The following WNT5B variants were observed in gnomAD, a reference collection of about 807,000 sequenced individuals.
WNT5B encodes the protein Wnt family member 5B.
WNT5B carries 18 observed loss-of-function variants against 36.5 expected under a neutral mutation model. The observed-to-expected ratio is 0.49, with a 90% CI of 0.34 to 0.73. The LOEUF (loss-of-function observed/expected upper bound fraction) is 0.73, where lower values mean the gene tolerates loss of function less well. Among genes scored for constraint, WNT5B ranks in the 30% least tolerant of loss-of-function variants. The pLI is 0.01. For synonymous variants in WNT5B, 213 were observed against 212.3 expected, an observed-to-expected ratio of 1.00 and a Z score of -0.03; for missense variants, 424 against 508.4, an observed-to-expected ratio of 0.83 and a Z score of 1.60.
rs2094555626 is a variant in WNT5B at position 1,633,864 on chromosome 12, C to T, written c.328+959C>T. Among the ~76,000 whole-genome samples the T allele has an allele frequency of 6.6e-6, 1 of 150,928 alleles. No individual in the cohort carries two copies. The highest frequency in any genetic ancestry group is 6.6e-5 in the Admixed American group (1 of 15,148). ...AGGGAGGATACTTGGAAGGCTCCTT[C>T]CCCCTCCCACTTATTCCAGACCTCT... On this transcript the variant is annotated intron_variant, in intron 3 of 4. Coordinates refer to ENST00000397196, the MANE Select transcript of WNT5B (RefSeq NM_032642.3). This position sits in a 1 kb window ranked among gnomAD's most constrained non-coding sequence, Gnocchi z 4.8.
chr12:1,634,050 A>T (rs1203154099), intron 3 of WNT5B, among the ~76,000 whole-genome samples: 3 of 152,154 alleles, frequency 2.0e-5, no homozygotes, highest in African/African-American at 7.2e-5. Context: ...CTATAAAAAA[A>T]ATTTTTTTTT....
chr12:1,622,196 C>T (rs558056629), intron 1 of WNT5B, among the ~76,000 whole-genome samples: 12 of 151,346 alleles, frequency 7.9e-5, no homozygotes, highest in Admixed American at 3.3e-4. Context: ...CTGCAAGCTC[C>T]GCTTCCCGGG....
At position 1,633,495 on chromosome 12, in the gene WNT5B, G is replaced by A. The variant is rs116831563; in HGVS notation, c.328+590G>A. ...GAAAAGATGAGAGGGAGAGGGCCAA[G>A]TCTTCTGGATTCCTGTCCCTTCCCC... On this transcript the variant is annotated intron_variant, in intron 3 of 4. Transcript: ENST00000397196. The surrounding 1 kb of genome is among the most constrained non-coding windows in gnomAD (Gnocchi z 4.8). 0.015 allele frequency among the ~76,000 whole-genome samples: 2,345 copies of A among 152,290 alleles called. 68 individuals carry two copies. Among genetic ancestry groups the A allele is most frequent in the African/African-American group, 0.052 (2,166 of 41,556 alleles).
chr12:1,620,917 A>G (rs75971843), intron 1 of WNT5B, among the ~76,000 whole-genome samples: 1 of 20,860 alleles, frequency 4.8e-5, no homozygotes, highest in Non-Finnish European at 1.0e-4. Context: ...TGGCCAGGAT[A>G]GTCTTGATCT....
At chr12:1,619,861 G>C (rs1013185531) in intron 1 of WNT5B, among the ~76,000 whole-genome samples, 1 of 152,074 alleles carries the variant, frequency 6.6e-6, no homozygotes, top group Admixed American at 6.5e-5. Context: ...GTCATCCCAC[G>C]TGGTTGTCTC....
In WNT5B at chr12:1,630,356, C is replaced by A; in HGVS notation, c.-57-942C>A. ...TCGCTCTAGCAGCACTGACCTGCTG[C>A]GGGTCCCAGGGCCTGGGGACAGGGG... On this transcript the variant is annotated intron_variant, in intron 1 of 4. Transcript: ENST00000397196. This position sits in a 1 kb window ranked among gnomAD's most constrained non-coding sequence, Gnocchi z 5.3. 1.9e-6 allele frequency: 1 copy of A among 529,040 alleles called. No homozygotes were observed. The highest frequency in any genetic ancestry group is 2.4e-6 in the Non-Finnish European group (1 of 412,578). 32.8% of individuals were successfully genotyped at this position (529,040 alleles called of 1,614,324 possible).
At chr12:1,637,306 TTTTCC>T (rs1409549931) in intron 3 of WNT5B, among the ~76,000 whole-genome samples, 6 of 152,216 alleles carry the variant, frequency 3.9e-5, no homozygotes, top group Non-Finnish European at 8.8e-5. Flanking sequence ...TGGACATATG[TTTTCC>T]TTTCTCTTGG....
intron 3 of WNT5B, among the ~76,000 whole-genome samples, chr12:1,637,910 C>T (rs866406415): frequency 1.5e-4 from 23 of 152,238 alleles, no homozygotes; most frequent in African/African-American, 2.4e-5. Flanking sequence ...AAAAGTAGCA[C>T]GGATAGATTT....
upstream of WNT5B, among the ~76,000 whole-genome samples, chr12:1,626,994 C>T (rs917153735): frequency 4.6e-5 from 7 of 152,196 alleles, no homozygotes; most frequent in African/African-American, 1.7e-4. Context: ...ACTATCCTAT[C>T]CACTGGGGAG....
chr12:1,632,519 T>C lies in WNT5B; in HGVS notation c.81-139T>C. 3.1e-6 allele frequency: 4 copies of C among 1,284,862 alleles called. No homozygotes were observed. In the South Asian group the frequency reaches 4.6e-5, roughly 15 times the overall value. 79.6% of individuals were successfully genotyped at this position (1,284,862 alleles called of 1,614,324 possible). A position where few individuals can be genotyped will look rare whatever the true frequency, so the allele number is the denominator to read the frequency against. ...GTTTGTCCTTTGAAGGCCAGCACTC[T>C]GATTTACTAATTTTTCTTTCCAGGG... On this transcript the variant is annotated intron_variant, in intron 2 of 4. Coordinates refer to ENST00000397196, the MANE Select transcript of WNT5B (RefSeq NM_032642.3). This position sits in a 1 kb window ranked among gnomAD's most constrained non-coding sequence, Gnocchi z 5.8.
rs1247387071 is a variant in WNT5B, at chr12:1,633,879, T to C, written c.328+974T>C. On this transcript the variant is annotated intron_variant, in intron 3 of 4. Transcript: ENST00000397196. The surrounding 1 kb of genome is among the most constrained non-coding windows in gnomAD (Gnocchi z 4.8). The stretch of plus-strand genomic sequence containing the variant: ...AAGGCTCCTTCCCCCTCCCACTTAT[T>C]CCAGACCTCTTTCCCTACCCTCTCT... Among the ~76,000 whole-genome samples the C allele has an allele frequency of 1.3e-5, 2 of 149,410 alleles. No individual in the cohort carries two copies. The highest frequency in any genetic ancestry group is 6.7e-5 in the Admixed American group (1 of 14,902).
At chr12:1,627,945 G>C (rs527423906), upstream of WNT5B, among the ~76,000 whole-genome samples, 1 of 152,122 alleles carries the variant, frequency 6.6e-6, no homozygotes, top group Non-Finnish European at 1.5e-5. The surrounding 1 kb of genome is among the most constrained non-coding windows in gnomAD (Gnocchi z 5.0). Context: ...CTGGCACTTA[G>C]AGCAGTAACT....
At chr12:1,636,702 AGTTTTGTTTTGTTTT>A (rs59138790) in intron 3 of WNT5B, among the ~76,000 whole-genome samples, 17 of 149,108 alleles carry the variant, frequency 1.1e-4, no homozygotes, top group Non-Finnish European at 2.5e-4. Context: ...TACCATGCCC[AGTTTTGTTTTGTTTT>A]GTTTTGTTTT....
chr12:1,626,377 C>T (rs145769291), upstream of WNT5B, among the ~76,000 whole-genome samples: 674 of 152,012 alleles, frequency 4.4e-3, 17 homozygotes, highest in East Asian at 0.07. Context: ...AATTCTCCTG[C>T]CTCAGCCTCC....
chr12:1,625,988 T>C (rs1458715235), upstream of WNT5B, among the ~76,000 whole-genome samples: 1 of 151,032 alleles, frequency 6.6e-6, no homozygotes, highest in East Asian at 1.9e-4. Context: ...TCTTTTTTTT[T>C]TTTTTTTTGA....
At chr12:1,634,651 A>G (rs2094557133) in intron 3 of WNT5B, among the ~76,000 whole-genome samples, 1 of 152,064 alleles carries the variant, frequency 6.6e-6, no homozygotes, top group African/African-American at 2.4e-5. Flanking sequence ...GGCTCATGCT[A>G]CCTAGGAGGC....
At chr12:1,640,386 G>A (rs761056383) in intron 4 of WNT5B, among the ~76,000 whole-genome samples, 2 of 152,122 alleles carry the variant, frequency 1.3e-5, no homozygotes, top group Admixed American at 1.3e-4. Context: ...TCTGTTAAAG[G>A]CTCTGGTAAT....
chr12:1,632,713 C>G lies in WNT5B; in HGVS notation c.136C>G (p.Pro46Ala), dbSNP rs1565607203. The G allele has an allele frequency of 6.2e-7, 1 of 1,613,560 alleles. No individual in the cohort carries two copies. The highest frequency in any genetic ancestry group is 1.7e-5 in the Admixed American group (1 of 60,012). ...CGAGATGTTTATCATCGGTGCCCAG[C>G]CCGTGTGCAGTCAGCTTCCCGGGCT... ...RPEMFIIGAQ[P>A]VCSQLPGLSP... is the part of the protein sequence containing the mutation. Residue 46 changes from proline to alanine, a missense_variant, in exon 3 of 5, where the codon CCC (proline) becomes GCC (alanine). Transcript: ENST00000397196. The surrounding 1 kb of genome is among the most constrained non-coding windows in gnomAD (Gnocchi z 5.8).
chr12:1,639,494 A>G lies in WNT5B; in HGVS notation c.329-190A>G, dbSNP rs536772185. ...GGCTGAGCTGGGGCCCAGCGGCGGA[A>G]GTAAAACAGCAGATTTCAGCCCATT... On this transcript the variant is annotated intron_variant, in intron 3 of 4. Transcript: ENST00000397196. Among the ~76,000 whole-genome samples the G allele has an allele frequency of 3.3e-5, 5 of 152,260 alleles. No homozygotes were observed. In the South Asian group the frequency reaches 8.3e-4, roughly 25 times the overall value.
Sources: allele counts gnomAD v4.1 joint callset (sites outside exome capture counted in the v4.1 genomes callset), GRCh38; gene constraint gnomAD v4.1.1; non-coding constraint Gnocchi (gnomAD v3.1); transcripts MANE v1.5; gene names NCBI Gene and HGNC (gene_info 2026-07-23, HGNC 2026-07-21).